Variants in EEF1AKMT1 observed in about 807,000 individuals in gnomAD.
The protein encoded by EEF1AKMT1 is N-6 adenine-specific DNA methyltransferase 2 (putative).
A neutral mutation model predicts 21.0 loss-of-function variants in EEF1AKMT1; 18 were observed. That is an observed-to-expected ratio of 0.86 (90% CI 0.59 to 1.27). The LOEUF (loss-of-function observed/expected upper bound fraction) is 1.27, where lower values mean the gene tolerates loss of function less well. EEF1AKMT1 is among the 50% of genes most tolerant of loss of function. The pLI is 0.00. For missense variants in EEF1AKMT1, 246 were observed against 258.6 expected, an observed-to-expected ratio of 0.95 and a Z score of 0.33; for synonymous variants, 109 against 94.8, an observed-to-expected ratio of 1.15 and a Z score of -0.87.
At chr13:20,768,723 T>C (rs940855700) in intron 1 of EEF1AKMT1, among the ~76,000 whole-genome samples, 11 of 152,018 alleles carry the variant, frequency 7.2e-5, no homozygotes, top group African/African-American at 2.7e-4. Context: ...AAGGCTTAGA[T>C]GGTAAATAGT....
intron 2 of EEF1AKMT1, among the ~76,000 whole-genome samples, chr13:20,752,147 T>C (rs2058944881): frequency 6.6e-6 from 1 of 152,188 alleles, no homozygotes; most frequent in Admixed American, 6.5e-5. Context: ...TTTCTTTTTG[T>C]TGCCCGATTG....
intron 2 of EEF1AKMT1, among the ~76,000 whole-genome samples, chr13:20,740,977 G>A (rs890359094): frequency 2.6e-5 from 4 of 152,000 alleles, no homozygotes; most frequent in African/African-American, 9.7e-5. Context: ...TCTATGCTAT[G>A]GTGGAGCTCT....
At chr13:20,769,545 T>A (rs776784990) in intron 1 of EEF1AKMT1, among the ~76,000 whole-genome samples, 2 of 152,086 alleles carry the variant, frequency 1.3e-5, no homozygotes, top group Non-Finnish European at 2.9e-5. Context: ...TAGAAAGCCA[T>A]TACACATTCC....
intron 1 of EEF1AKMT1, among the ~76,000 whole-genome samples, chr13:20,772,934 C>T (rs576995119): frequency 3.9e-5 from 6 of 152,136 alleles, no homozygotes; most frequent in Admixed American, 3.9e-4. Context: ...AGAGCATTAA[C>T]CTAGGAGCCA....
intron 4 of EEF1AKMT1, among the ~76,000 whole-genome samples, chr13:20,730,298 C>T (rs1439880373): frequency 5.9e-5 from 9 of 152,206 alleles, no homozygotes; most frequent in African/African-American, 1.7e-4. Context: ...GCGAACAGAG[C>T]GCCCCTTCCC....
chr13:20,759,153 T>A (rs1029570812), intron 1 of EEF1AKMT1, among the ~76,000 whole-genome samples: 1 of 152,062 alleles, frequency 6.6e-6, no homozygotes, highest in African/African-American at 2.4e-5. Context: ...TGCAACAAAA[T>A]CAAAAATTGA....
intron 1 of EEF1AKMT1, among the ~76,000 whole-genome samples, chr13:20,771,772 A>C (rs943149420): frequency 2.6e-5 from 4 of 152,214 alleles, no homozygotes; most frequent in African/African-American, 9.7e-5. Context: ...GCACTTTGGG[A>C]GATCGAGGCG....
Position 20,731,866 on chromosome 13 carries a change from C to T in EEF1AKMT1, c.483G>A (p.Thr161=), listed in dbSNP as rs375923475. Residue 161 remains threonine, a synonymous_variant, in exon 4 of 5, where the codon ACG becomes ACA. Coordinates refer to ENST00000382758, the MANE Select transcript of EEF1AKMT1 (RefSeq NM_001318939.2). The part of the protein sequence containing the change: ...RKTSETVKYL[T]RGKILLCTGA... Reference sequence around the variant, plus strand: ...CTGTGCACAGCAGAATCTTGCCCCGCGTCAGGTACTTGACGGTTTCCGATG... The same window carrying T: ...CTGTGCACAGCAGAATCTTGCCCCGTGTCAGGTACTTGACGGTTTCCGATG... 38 of 1,613,814 alleles carry T rather than the reference C, an allele frequency of 2.4e-5. No individual in the cohort carries two copies. Among genetic ancestry groups the T allele is most frequent in the Non-Finnish European group, 2.5e-5 (29 of 1,179,850 alleles).
At chr13:20,762,193 T>TG (rs2059004667) in intron 1 of EEF1AKMT1, among the ~76,000 whole-genome samples, 1 of 136,454 alleles carries the variant, frequency 7.3e-6, no homozygotes, top group East Asian at 2.9e-4. Flanking sequence ...TTTTTTTTTT[T>TG]TTAATTTGAG....
At chr13:20,760,948 A>G (rs1363772527) in intron 1 of EEF1AKMT1, among the ~76,000 whole-genome samples, 1 of 152,224 alleles carries the variant, frequency 6.6e-6, no homozygotes, top group Non-Finnish European at 1.5e-5. Flanking sequence ...ATTCACAGGA[A>G]TGTGCAAAAA....
At chr13:20,760,123 A>AAAAAAAAAAAAAAAAAG (rs1555327133) in intron 1 of EEF1AKMT1, among the ~76,000 whole-genome samples, 1 of 127,466 alleles carries the variant, frequency 7.8e-6, no homozygotes, top group Non-Finnish European at 1.6e-5. Context: ...AAAAAAAAAA[A>AAAAAAAAAAAAAAAAAG]AAGTCAAAAA....
At chr13:20,756,324 AT>A (rs1257666049) in intron 2 of EEF1AKMT1, among the ~76,000 whole-genome samples, 2 of 152,122 alleles carry the variant, frequency 1.3e-5, no homozygotes, top group African/African-American at 4.8e-5. Context: ...CCTTCAACTC[AT>A]TTTTTTCTAA....
chr13:20,746,370 C>T (rs538414314), intron 2 of EEF1AKMT1, among the ~76,000 whole-genome samples: 1 of 152,304 alleles, frequency 6.6e-6, no homozygotes, highest in East Asian at 1.9e-4. Context: ...TCAGGCTGGT[C>T]TCGAACTCCT....
intron 2 of EEF1AKMT1, among the ~76,000 whole-genome samples, chr13:20,746,558 G>A (rs1042594212): frequency 2.0e-5 from 3 of 152,238 alleles, no homozygotes; most frequent in Admixed American, 1.3e-4. Context: ...AGGGCTTTGA[G>A]TTCACTTGAT....
intron 3 of EEF1AKMT1, among the ~76,000 whole-genome samples, chr13:20,734,191 A>G (rs996146604): frequency 1.3e-5 from 2 of 152,206 alleles, no homozygotes; most frequent in African/African-American, 4.8e-5. Context: ...AAATAAAGAT[A>G]TTTTCAGACA....
chr13:20,736,595 G>A (rs539196116), intron 3 of EEF1AKMT1, among the ~76,000 whole-genome samples: 1 of 152,224 alleles, frequency 6.6e-6, no homozygotes, highest in East Asian at 1.9e-4. Context: ...ACAGGTTGCA[G>A]AGCCCTGGGA....
intron 1 of EEF1AKMT1, among the ~76,000 whole-genome samples, chr13:20,759,636 A>C (rs1227043159): frequency 2.0e-5 from 1 of 49,686 alleles, no homozygotes; most frequent in Non-Finnish European, 4.7e-5. Flanking sequence ...GAATTAAATC[A>C]ACAAGAAAAA....
intron 2 of EEF1AKMT1, 168 bp downstream of exon 2, chr13:20,757,287 A>T (rs2058976512): frequency 1.5e-6 from 1 of 668,000 alleles, no homozygotes; most frequent in East Asian, 2.7e-5. Context: ...CACTGTTCTA[A>T]AATGTTCACT....
At chr13:20,730,967 C>A (rs1244103466) in intron 4 of EEF1AKMT1, among the ~76,000 whole-genome samples, 1 of 152,188 alleles carries the variant, frequency 6.6e-6, no homozygotes, top group Non-Finnish European at 1.5e-5. Context: ...CAAGGGTCTG[C>A]CGCTTCTTTC....
Sources: gnomAD v4.1 joint callset for allele counts (sites outside exome capture counted in the v4.1 genomes callset) on GRCh38, gnomAD v4.1.1 for gene constraint, MANE v1.5 for transcripts, NCBI Gene and HGNC (gene_info 2026-07-23, HGNC 2026-07-21) for gene names.